TENM3: variants seen among roughly 807,000 people sequenced by gnomAD.
TENM3 encodes the protein teneurin-3.
In TENM3, 63 loss-of-function variants were observed where a neutral mutation model predicts 255.1. The observed-to-expected ratio is 0.25, with a 90% CI of 0.20 to 0.30. The LOEUF (loss-of-function observed/expected upper bound fraction) is 0.30. TENM3 is among the 10% of genes least tolerant of loss of function. TENM3 has a pLI of 1.00. For synonymous variants in TENM3, 1,306 were observed against 1,322.3 expected (o/e 0.99, Z 0.27); for missense variants, 2,929 against 3,461.1 (o/e 0.85, Z 3.86).
chr4:182,149,983 A>T (rs1259821487), intron 1 of TENM3, among the ~76,000 whole-genome samples: 1 of 152,098 alleles, frequency 6.6e-6, no homozygotes, highest in Non-Finnish European at 1.5e-5. Flanking sequence ...TGTATCATTT[A>T]TATAATTATA....
chr4:182,786,700 T>G (rs79062226), intron 24 of TENM3, among the ~76,000 whole-genome samples: 1,931 of 151,666 alleles, frequency 0.013, 46 homozygotes, highest in African/African-American at 0.044. Flanking sequence ...TGAAGGAGGG[T>G]CCAGGAAGCA....
In TENM3 at chr4:182,789,256, A is replaced by G; in HGVS notation, c.5468A>G (p.Tyr1823Cys). Residue 1823 changes from tyrosine (Y) to cysteine (C), a missense_variant, in exon 25 of 28, where the codon TAT becomes TGT. Transcript: ENST00000511685. The surrounding 1 kb of genome is among the most constrained non-coding windows in gnomAD (Gnocchi z 4.4). ...AAGCTGATGGCCGTCAATGTCACCT[A>G]TTCATCCACAGGTCAAATTGCCAGC... ...SSKLMAVNVT[Y>C]SSTGQIASIQ... 4 of 1,613,804 alleles carry G rather than the reference A, an allele frequency of 2.5e-6. No individual in the cohort carries two copies. The highest frequency in any genetic ancestry group is 1.7e-6 in the Non-Finnish European group (2 of 1,179,834).
At chr4:181,975,135 CTTTTTTTTTT>C in the TENM3 span, 1 of 119,330 alleles carries the variant, frequency 8.4e-6, no homozygotes, top group African/African-American at 3.2e-5. Flanking sequence ...TGGAGTAGCT[CTTTTTTTTTT>C]TTTTTTTTTT....
At chr4:182,416,477 G>T (rs1229184552) in intron 3 of TENM3, among the ~76,000 whole-genome samples, 2 of 149,598 alleles carry the variant, frequency 1.3e-5, no homozygotes, top group Non-Finnish European at 3.0e-5. Flanking sequence ...AGTTCTTTGA[G>T]TCAAGCAATT....
At chr4:182,294,755 T>C (rs1761355843) in intron 1 of TENM3, among the ~76,000 whole-genome samples, 1 of 152,194 alleles carries the variant, frequency 6.6e-6, no homozygotes, top group Non-Finnish European at 1.5e-5. Context: ...CATCAATGGA[T>C]ATGGATCCCA....
chr4:181,755,505 A>C, the TENM3 span, among the ~76,000 whole-genome samples: 2 of 152,182 alleles, frequency 1.3e-5, no homozygotes, highest in South Asian at 4.1e-4. Flanking sequence ...TAATTTAAAA[A>C]TCTGAGTACA....
Position 182,800,301 on chromosome 4 carries a change from A to C in TENM3, c.8050A>C (p.Ser2684Arg). The C allele has an allele frequency of 6.3e-7, 1 of 1,594,490 alleles. No individual in the cohort carries two copies. Among genetic ancestry groups the C allele is most frequent in the Non-Finnish European group, 8.5e-7 (1 of 1,178,440 alleles). The change falls in exon 28 of 28, where the codon AGC (serine) becomes CGC (arginine). Residue 2684 changes from serine (S) to arginine (R), a missense_variant. By Grantham distance (110) the Ser-to-Arg change is moderately radical. This residue lies in a region of TENM3 where 476 missense variants were observed against 480.1 expected (regional missense o/e 0.99). Coordinates refer to ENST00000511685, the MANE Select transcript of TENM3 (RefSeq NM_001080477.4). ...GGAGCAGTACCCCGAGCTGGCCGAC[A>C]GCGCCAACAACATCCAGTTCCTGCG... ...SVEQYPELAD[S>R]ANNIQFLRQS... is the part of the protein sequence containing the mutation.
intron 24 of TENM3, among the ~76,000 whole-genome samples, chr4:182,787,055 T>C (rs534001887): frequency 3.3e-5 from 5 of 152,352 alleles, no homozygotes; most frequent in Admixed American, 1.3e-4. Context: ...AATATATATA[T>C]GTAACTAGCC....
At chr4:182,469,454 C>T (rs886770676) in intron 3 of TENM3, among the ~76,000 whole-genome samples, 1 of 152,162 alleles carries the variant, frequency 6.6e-6, no homozygotes, top group Admixed American at 6.5e-5. Flanking sequence ...GTGGCTCATG[C>T]TTGCAGTCCC....
chr4:181,733,550 C>A, the TENM3 span, among the ~76,000 whole-genome samples: 4 of 152,240 alleles, frequency 2.6e-5, no homozygotes, highest in Middle Eastern at 3.4e-3. Flanking sequence ...ATCTGTGGGT[C>A]CATATCAAGA....
At chr4:182,511,633 G>T (rs747617242) in intron 3 of TENM3, among the ~76,000 whole-genome samples, 1 of 152,130 alleles carries the variant, frequency 6.6e-6, no homozygotes, top group Non-Finnish European at 1.5e-5. Context: ...TTCATCAGTT[G>T]TGTTGCTTTT....
In TENM3 at chr4:182,586,027, G is replaced by A. The variant is rs1745987653; in HGVS notation, c.512-14897G>A. 2.0e-5 allele frequency among the ~76,000 whole-genome samples: 3 copies of A among 152,220 alleles called. 1 individual carries two copies. The South Asian group carries it at 6.2e-4, about 31-fold the overall frequency. On this transcript the variant is annotated intron_variant, in intron 3 of 27. Transcript: ENST00000511685. ...CCAGTGCTTTGGGAGGCCAAGGTGG[G>A]AGGATCACTTGAGACCACAAATGTG...
intron 1 of TENM3, among the ~76,000 whole-genome samples, chr4:182,167,684 G>A (rs2149678078): frequency 6.6e-6 from 1 of 152,220 alleles, no homozygotes; most frequent in Middle Eastern, 3.4e-3. Context: ...ACCAGCCTGG[G>A]CAACATGGTG....
At chr4:182,512,727 G>A (rs1737542048) in intron 3 of TENM3, among the ~76,000 whole-genome samples, 1 of 152,140 alleles carries the variant, frequency 6.6e-6, no homozygotes, top group South Asian at 2.1e-4. Flanking sequence ...TCCTTGAACT[G>A]CCTCTGTTTA....
At chr4:181,928,038 A>G in the TENM3 span, among the ~76,000 whole-genome samples, 893 of 152,320 alleles carry the variant, frequency 5.9e-3, 8 homozygotes, top group Non-Finnish European at 7.7e-3. Context: ...CCAACATCAA[A>G]GACCAAAAGT....
the TENM3 span, among the ~76,000 whole-genome samples, chr4:181,653,179 T>G: frequency 6.6e-6 from 1 of 152,136 alleles, no homozygotes; most frequent in Non-Finnish European, 1.5e-5. Flanking sequence ...GCACATTCAG[T>G]CTAGGCCAGG....
the TENM3 span, among the ~76,000 whole-genome samples, chr4:181,658,172 A>C: frequency 6.6e-6 from 1 of 152,192 alleles, no homozygotes; most frequent in Non-Finnish European, 1.5e-5. Context: ...ATACAGAAAA[A>C]AATACATGAG....
At chr4:182,132,932 C>T in the TENM3 span, among the ~76,000 whole-genome samples, 2 of 152,044 alleles carry the variant, frequency 1.3e-5, no homozygotes, top group South Asian at 4.1e-4. Context: ...ATAATAGTAA[C>T]GACTTGTGAA....
chr4:181,887,759 A>T, the TENM3 span, among the ~76,000 whole-genome samples: 1 of 152,198 alleles, frequency 6.6e-6, no homozygotes, highest in East Asian at 1.9e-4. Flanking sequence ...TAAAGACGAG[A>T]TGCAGCTTCA....
Sources: gnomAD v4.1 joint callset for allele counts (sites outside exome capture counted in the v4.1 genomes callset) on GRCh38, gnomAD v4.1.1 for gene constraint, gnomAD v4.1.1 regional missense constraint, Gnocchi (gnomAD v3.1) non-coding constraint, MANE v1.5 for transcripts, NCBI Gene and HGNC (gene_info 2026-07-23, HGNC 2026-07-21) for gene names.